The following ANK1 variants were observed in gnomAD, a reference collection of about 807,000 sequenced individuals.
The protein encoded by ANK1 is ankyrin 1.
A neutral mutation model predicts 210.4 loss-of-function variants in ANK1; 51 were observed. The observed-to-expected ratio is 0.24, with a 90% CI of 0.19 to 0.31. The LOEUF (loss-of-function observed/expected upper bound fraction) is 0.31, where lower values mean the gene tolerates loss of function less well. ANK1 is among the 10% of genes least tolerant of loss of function. The pLI is 1.00. For missense variants in ANK1, 2,051 were observed against 2,504.4 expected (o/e 0.82, Z 3.86); for synonymous variants, 967 against 1,025.9 (o/e 0.94, Z 1.10).
In ANK1 at chr8:41,672,551, G is replaced by T. The variant is rs1319114963; in HGVS notation, c.4899C>A (p.Gly1633=). The T allele has an allele frequency of 6.2e-7, 1 of 1,614,162 alleles. No individual in the cohort carries two copies. Among genetic ancestry groups the T allele is most frequent in the East Asian group, 2.2e-5 (1 of 44,876 alleles). Residue 1633 remains glycine (G), a synonymous_variant, in exon 38 of 43, where the codon GGC becomes GGA. Coordinates refer to ENST00000289734, the MANE Select transcript of ANK1 (RefSeq NM_000037.4). ...DDTVDSDATN[G]LIDLLEQEEG... ...CCTCCTGTTCAAGCAAATCGATAAG[G>T]CCATTTGTGGCATCTGAATCCACTG...
intron 2 of ANK1, among the ~76,000 whole-genome samples, chr8:41,752,731 A>C (rs1838014124): frequency 6.7e-6 from 1 of 149,544 alleles, no homozygotes; most frequent in African/African-American, 2.4e-5. Flanking sequence ...GCTTTGCTCC[A>C]TCTCCACAGC....
intron 22 of ANK1, 127 bp from the exon 23 acceptor site, chr8:41,699,675 T>A: frequency 1.2e-6 from 1 of 855,624 alleles, no homozygotes; most frequent in Non-Finnish European, 1.9e-6. Flanking sequence ...GTCTTGATGC[T>A]GCAAGGAGAC....
chr8:41,717,707 AACAG>A lies in ANK1; in HGVS notation c.1207-9_1207-6del, dbSNP rs1157343920. ...GTGGAGAGGTGTCAGGCCAGACTGA[AACAG>A]ACAAAGGCAGAGTCCGATAAGTGGG... On this transcript the variant is annotated splice_region_variant and splice_polypyrimidine_tract_variant and intron_variant, in intron 11 of 42. Transcript: ENST00000289734. The A allele has an allele frequency of 1.0e-4, 157 of 1,550,890 alleles. No individual in the cohort carries two copies. The highest frequency in any genetic ancestry group is 1.3e-4 in the Non-Finnish European group (153 of 1,146,440).
intron 20 of ANK1, among the ~76,000 whole-genome samples, chr8:41,703,416 G>GTATATATA: frequency 4.0e-5 from 2 of 50,404 alleles, no homozygotes; most frequent in Non-Finnish European, 7.4e-5. Context: ...GTGTGTGTGT[G>GTATATATA]TGTGTGTATA....
At chr8:41,835,792 G>T (rs1311756502) in intron 1 of ANK1, among the ~76,000 whole-genome samples, 1 of 152,270 alleles carries the variant, frequency 6.6e-6, no homozygotes, top group African/African-American at 2.4e-5. Flanking sequence ...GCAGAAGTGT[G>T]CTGCCTCCCA....
At chr8:41,823,957 G>A (rs538870793) in intron 1 of ANK1, among the ~76,000 whole-genome samples, 24 of 151,838 alleles carry the variant, frequency 1.6e-4, no homozygotes, top group South Asian at 1.5e-3. Flanking sequence ...AGTATTTTTT[G>A]TTTTGTCTTG....
rs554560 is a variant in ANK1 at position 41,714,345 on chromosome 8, C to G, written c.1702-91G>C. ...TAGGCATGGGAGCACCTATTTTATA[C>G]AGTAAAATCCTGTTTAAAATCTTTC... is the stretch of plus-strand genomic sequence containing the variant. On this transcript the variant is annotated intron_variant, in intron 15 of 42. Transcript: ENST00000289734. The G allele has an allele frequency of 7.6e-3, 7,240 of 950,372 alleles. 47 individuals are homozygous for G. The highest frequency in any genetic ancestry group is 9.4e-3 in the Non-Finnish European group (6,284 of 666,390). The allele number at this position is 950,372 out of a possible 1,614,324, so 58.9% of individuals were successfully genotyped here. A position where few individuals can be genotyped will look rare whatever the true frequency, so the allele number is the denominator to read the frequency against.
intron 17 of ANK1, among the ~76,000 whole-genome samples, chr8:41,707,963 A>C (rs1182774948): frequency 6.6e-6 from 1 of 152,170 alleles, no homozygotes; most frequent in African/African-American, 2.4e-5. Context: ...AAATGTCCAG[A>C]ACAGGCAAAT....
rs368051403 is a variant in ANK1 at position 41,880,552 on chromosome 8, C to T, written c.126+15803G>A. On this transcript the variant is annotated intron_variant, in intron 1 of 42. Transcript: ENST00000265709. ...GGTTGTCTTTGAACTAAGGGCCTGTCCCACCGATATGTCCTGCAATACTGC... is the reference window on the plus strand; with the variant it reads ...GGTTGTCTTTGAACTAAGGGCCTGTTCCACCGATATGTCCTGCAATACTGC... Among the ~76,000 whole-genome samples, 13 of 152,186 alleles carry T rather than the reference C, an allele frequency of 8.5e-5. No homozygotes were observed. In the East Asian group the frequency reaches 9.6e-4, roughly 11 times the overall value.
At chr8:41,877,226 G>T (rs573575956) in intron 1 of ANK1, among the ~76,000 whole-genome samples, 5 of 152,382 alleles carry the variant, frequency 3.3e-5, no homozygotes, top group East Asian at 1.9e-4. Flanking sequence ...CAGGTGAAAA[G>T]GGTGGGACCC....
chr8:41,675,701 C>T (rs1813902290), intron 37 of ANK1, among the ~76,000 whole-genome samples: 1 of 152,196 alleles, frequency 6.6e-6, no homozygotes, highest in South Asian at 2.1e-4. Flanking sequence ...AGAAAAAGGA[C>T]ATTTGTCACC....
At chr8:41,695,721 G>A (rs758773146) in intron 26 of ANK1, among the ~76,000 whole-genome samples, 4 of 152,256 alleles carry the variant, frequency 2.6e-5, no homozygotes, top group South Asian at 2.1e-4. Context: ...ACAAAGAAAC[G>A]TCAACGAGAA....
chr8:41,853,013 CA>C (rs1417763688), intron 1 of ANK1, among the ~76,000 whole-genome samples: 1 of 152,162 alleles, frequency 6.6e-6, no homozygotes, highest in Non-Finnish European at 1.5e-5. Context: ...ACTCAAAATA[CA>C]AAAATCCAGA....
chr8:41,822,084 G>A lies in ANK1; in HGVS notation c.127-63947C>T, dbSNP rs999313198. Among the ~76,000 whole-genome samples, 248 of 35,274 alleles carry A rather than the reference G, an allele frequency of 7.0e-3. 5 individuals are homozygous for A. The highest frequency in any genetic ancestry group is 0.061 in the African/African-American group (223 of 3,670). The allele number at this position is 35,274 out of a possible 152,430, so 23.1% of individuals were successfully genotyped here. A position where few individuals can be genotyped will look rare whatever the true frequency, so the allele number is the denominator to read the frequency against. Reference sequence around the variant, plus strand: ...AAAGAAAGAGAGAGAGAGAGAGAGAGAGAGAGAGAGAGAGAGAGAGAGAGA... The same window carrying A: ...AAAGAAAGAGAGAGAGAGAGAGAGAAAGAGAGAGAGAGAGAGAGAGAGAGA... On this transcript the variant is annotated intron_variant, in intron 1 of 42. Transcript: ENST00000265709.
At chr8:41,844,318 T>C (rs1225385099) in intron 1 of ANK1, among the ~76,000 whole-genome samples, 2 of 152,158 alleles carry the variant, frequency 1.3e-5, no homozygotes, top group African/African-American at 4.8e-5. Flanking sequence ...AAAAGCTATA[T>C]TGGAGGTGTT....
At chr8:41,805,386 T>C (rs1850813994) in intron 1 of ANK1, among the ~76,000 whole-genome samples, 1 of 151,856 alleles carries the variant, frequency 6.6e-6, no homozygotes, top group Non-Finnish European at 1.5e-5. Flanking sequence ...GGACTACAGG[T>C]TTGTGCCACT....
intron 22 of ANK1, among the ~76,000 whole-genome samples, chr8:41,700,000 T>C (rs73619317): frequency 0.34 from 51,894 of 152,106 alleles, 9,439 homozygotes; most frequent in African/African-American, 0.45. Context: ...TTCCAAAGCC[T>C]ATCACAAAGA....
chr8:41,865,407 C>G lies in ANK1; in HGVS notation c.126+30948G>C, dbSNP rs150767033. 2.0e-5 allele frequency among the ~76,000 whole-genome samples: 3 copies of G among 152,190 alleles called. No homozygotes were observed. In the East Asian group the frequency reaches 5.8e-4, roughly 29 times the overall value. ...GGTGCCCACCATGCCTAACACAGGA[C>G]TGAACTCACAGCTGGGGCTCAGTAG... On this transcript the variant is annotated intron_variant, in intron 1 of 42. Transcript: ENST00000265709.
intron 1 of ANK1, among the ~76,000 whole-genome samples, chr8:41,854,616 C>A (rs1811844825): frequency 6.6e-6 from 1 of 152,104 alleles, no homozygotes; most frequent in Admixed American, 6.5e-5. Flanking sequence ...TTTTAGCCAG[C>A]AGCATTGGCC....
Sources: gnomAD v4.1 joint callset for allele counts (sites outside exome capture counted in the v4.1 genomes callset) on GRCh38, gnomAD v4.1.1 for gene constraint, MANE v1.5 for transcripts, NCBI Gene and HGNC (gene_info 2026-07-23, HGNC 2026-07-21) for gene names.